Variants in STXBP3 observed in about 807,000 individuals in gnomAD.
STXBP3 encodes the protein syntaxin-binding protein 3.
STXBP3 carries 41 observed loss-of-function variants against 85.7 expected under a neutral mutation model. That is an observed-to-expected ratio of 0.48 (90% CI 0.37 to 0.62). STXBP3 has a LOEUF of 0.62. Ranked by LOEUF, STXBP3 falls within the 20% of genes least tolerant of loss-of-function variation. The pLI is 0.00. For synonymous variants in STXBP3, 229 were observed against 231.7 expected, an observed-to-expected ratio of 0.99 and a Z score of 0.10; for missense variants, 563 against 703.1, an observed-to-expected ratio of 0.80 and a Z score of 2.25.
At chr1:108,755,275 G>A (rs927372147) in intron 3 of STXBP3, among the ~76,000 whole-genome samples, 4 of 151,908 alleles carry the variant, frequency 2.6e-5, no homozygotes, top group Non-Finnish European at 4.4e-5. Context: ...GTGAGACTTT[G>A]TCTCTACTAA....
At position 108,746,684 on chromosome 1, in the gene STXBP3, C is replaced by A. The variant is rs1661784951; in HGVS notation, c.-54C>A. The A allele has an allele frequency of 1.3e-6, 2 of 1,546,850 alleles. No individual in the cohort carries two copies. Among genetic ancestry groups the A allele is most frequent in the Non-Finnish European group, 1.7e-6 (2 of 1,144,394 alleles). ...GGCCACCCCAACGCCGCTTCTGCGG[C>A]CAAAGTAGGTTGGGAGTGGAAGGTG... On this transcript the variant is annotated 5_prime_UTR_variant, in exon 1 of 19. Coordinates refer to ENST00000370008, the MANE Select transcript of STXBP3 (RefSeq NM_007269.4).
intron 6 of STXBP3, among the ~76,000 whole-genome samples, chr1:108,760,309 T>C (rs1387394451): frequency 6.6e-6 from 1 of 152,162 alleles, no homozygotes; most frequent in East Asian, 1.9e-4. Context: ...ACCAAGTCCT[T>C]TGTCAAATTA....
intron 13 of STXBP3, among the ~76,000 whole-genome samples, chr1:108,795,961 G>T (rs983270350): frequency 1.3e-5 from 2 of 152,136 alleles, no homozygotes; most frequent in Non-Finnish European, 2.9e-5. Context: ...TGCCCACCGG[G>T]TTCAAGTGAG....
At chr1:108,800,390 ACTTT>A (rs1361571981) in intron 17 of STXBP3, 85 bp downstream of exon 17, 13 of 1,007,316 alleles carry the variant, frequency 1.3e-5, no homozygotes, top group East Asian at 9.8e-5. Flanking sequence ...ATATTTGGCA[ACTTT>A]CTTTCAAGTA....
chr1:108,798,009 G>T (rs1663145152), intron 15 of STXBP3, 136 bp from the exon 16 acceptor site: 2 of 668,494 alleles, frequency 3.0e-6, no homozygotes, highest in East Asian at 5.7e-5. Context: ...TTTAAAATAG[G>T]CATCTCCACT....
chr1:108,748,973 A>G (rs1036734759), intron 1 of STXBP3, among the ~76,000 whole-genome samples: 2 of 152,170 alleles, frequency 1.3e-5, no homozygotes. Flanking sequence ...CATTTGAGGG[A>G]ATTTCGAGGT....
At chr1:108,789,327 AT>A (rs755839015) in intron 11 of STXBP3, among the ~76,000 whole-genome samples, 167 of 149,710 alleles carry the variant, frequency 1.1e-3, no homozygotes, top group African/African-American at 2.9e-3. Flanking sequence ...TGTTTTTGTG[AT>A]TTTTTTTTTA....
chr1:108,784,107 A>T (rs1662777077), intron 11 of STXBP3, among the ~76,000 whole-genome samples: 1 of 152,134 alleles, frequency 6.6e-6, no homozygotes, highest in Non-Finnish European at 1.5e-5. Flanking sequence ...TAATTTATCA[A>T]TTTATTTCTT....
chr1:108,760,623 T>G (rs1278723953), intron 6 of STXBP3, among the ~76,000 whole-genome samples: 1 of 152,164 alleles, frequency 6.6e-6, no homozygotes, highest in Non-Finnish European at 1.5e-5. Flanking sequence ...TTACATAAAT[T>G]TATTCATTTA....
rs1325253412 is a variant in STXBP3, at chr1:108,746,904, T to C, written c.49+118T>C. Reference sequence around the variant, plus strand: ...GGAGCCGCCGCGAGCACTTGTTGCTTTGGGACCTGTGTGAGGACTTCTTCC... The same window carrying C: ...GGAGCCGCCGCGAGCACTTGTTGCTCTGGGACCTGTGTGAGGACTTCTTCC... On this transcript the variant is annotated intron_variant, in intron 1 of 18. Transcript: ENST00000370008. 3.3e-5 allele frequency: 34 copies of C among 1,016,716 alleles called. 2 individuals are homozygous for C. In the South Asian group the frequency reaches 4.6e-4, roughly 14 times the overall value. 63.0% of individuals were successfully genotyped at this position (1,016,716 alleles called of 1,614,324 possible). A position where few individuals can be genotyped will look rare whatever the true frequency, so the allele number is the denominator to read the frequency against.
intron 17 of STXBP3, among the ~76,000 whole-genome samples, chr1:108,804,359 A>G (rs909902042): frequency 2.0e-5 from 3 of 151,666 alleles, no homozygotes; most frequent in Non-Finnish European, 4.4e-5. Context: ...AGAAGTTCTC[A>G]TGTTTCTTTT....
At chr1:108,793,525 G>T (rs1663022806) in intron 11 of STXBP3, 57 bp from the exon 12 acceptor site, 1 of 1,402,624 alleles carries the variant, frequency 7.1e-7, no homozygotes, top group African/African-American at 1.4e-5. Flanking sequence ...TTTCAAAGTT[G>T]TAATATGGAA....
chr1:108,784,115 C>A (rs142132858), intron 11 of STXBP3, among the ~76,000 whole-genome samples: 404 of 152,162 alleles, frequency 2.7e-3, no homozygotes, highest in African/African-American at 9.4e-3. Flanking sequence ...CAATTTATTT[C>A]TTTTATACTT....
At position 108,756,782 on chromosome 1, in the gene STXBP3, C is replaced by T. The variant is rs745314909; in HGVS notation, c.258+16C>T. 1 of 1,559,462 alleles carries T rather than the reference C, an allele frequency of 6.4e-7. No homozygotes were observed. The highest frequency in any genetic ancestry group is 8.7e-7 in the Non-Finnish European group (1 of 1,147,984). The stretch of plus-strand genomic sequence containing the variant: ...GACATCAAAGGTGAGTATTTTGAGA[C>T]CTTAAAAAGCAGGTTCATCAATATT... On this transcript the variant is annotated intron_variant, in intron 4 of 18. Transcript: ENST00000370008.
At chr1:108,767,228 A>C (rs1662282550) in intron 6 of STXBP3, 1 of 228,812 alleles carries the variant, frequency 4.4e-6, no homozygotes, top group South Asian at 5.5e-5. Context: ...GATTTCAATG[A>C]GCATAGCTTT....
intron 3 of STXBP3, 88 bp downstream of exon 3, chr1:108,753,232 A>ACTACT (rs1199891461): frequency 3.4e-6 from 3 of 870,226 alleles, no homozygotes; most frequent in Non-Finnish European, 5.0e-6. Flanking sequence ...TGTGTTTCTA[A>ACTACT]GGAGCTTATT....
rs1027615043 is a variant in STXBP3 at position 108,796,624 on chromosome 1, T to G, written c.1254T>G (p.Thr418=). Reference sequence around the variant, plus strand: ...TCATATTTTTACCTATTTAAGGAACTACGGAAGAAAATTTGGACAGGTTGA... The same window carrying G: ...TCATATTTTTACCTATTTAAGGAACGACGGAAGAAAATTTGGACAGGTTGA... ...ILLYIFSING[T]TEENLDRLIQ... is the part of the protein sequence containing the mutation. Residue 418 remains threonine (T), a synonymous_variant, in exon 15 of 19, where the codon ACT becomes ACG. Transcript: ENST00000370008. 3.7e-6 allele frequency: 6 copies of G among 1,612,334 alleles called. No homozygotes were observed. The highest frequency in any genetic ancestry group is 5.1e-6 in the Non-Finnish European group (6 of 1,179,318).
At chr1:108,768,489 T>G (rs1173418742) in intron 6 of STXBP3, among the ~76,000 whole-genome samples, 1 of 151,972 alleles carries the variant, frequency 6.6e-6, no homozygotes, top group Non-Finnish European at 1.5e-5. Flanking sequence ...GGAAAGAACC[T>G]AGGAGGTAAA....
chr1:108,779,223 T>A, intron 8 of STXBP3, 63 bp from the exon 9 acceptor site: 1 of 1,542,508 alleles, frequency 6.5e-7, no homozygotes, highest in Non-Finnish European at 8.8e-7. Context: ...TTCTAAGATA[T>A]TAAAACTATG....
Sources: allele counts gnomAD v4.1 joint callset (sites outside exome capture counted in the v4.1 genomes callset), GRCh38; gene constraint gnomAD v4.1.1; transcripts MANE v1.5; gene names NCBI Gene and HGNC (gene_info 2026-07-23, HGNC 2026-07-21).